Variants in VMO1 observed in about 807,000 individuals in gnomAD.
VMO1 encodes vitelline membrane outer layer protein 1 homolog.
Under a neutral mutation model 10.1 loss-of-function variants are expected in VMO1, and 13 were observed. The ratio of observed to expected loss-of-function variants is 1.29; its 90% CI spans 0.84 to 2.05. VMO1 has a LOEUF of 2.05. VMO1 is among the 30% of genes most tolerant of loss of function. The pLI, the probability that VMO1 is intolerant of heterozygous loss-of-function variation, is 0.00. For synonymous variants in VMO1, 117 were observed against 122.2 expected, an observed-to-expected ratio of 0.96 and a Z score of 0.28; for missense variants, 304 against 276.9, an observed-to-expected ratio of 1.10 and a Z score of -0.70.
At chr17:4,786,121 T>G in intron 1 of VMO1, 37 bp downstream of exon 1, 2 of 1,611,046 alleles carry the variant, frequency 1.2e-6, no homozygotes, top group Middle Eastern at 1.7e-4. Context: ...GTCCCACGCA[T>G]CTCCGCCCTC....
Position 4,785,360 on chromosome 17 carries a change from G to C in VMO1, c.*2C>G. ...GGGAGAGAGCGGCGGCGGCGGCGCC[G>C]TTCAACTGCGGCAGCAGAATAAGCG... On this transcript the variant is annotated 3_prime_UTR_variant, in exon 3 of 3. Coordinates refer to ENST00000328739, the MANE Select transcript of VMO1 (RefSeq NM_182566.3). The C allele has an allele frequency of 6.3e-7, 1 of 1,599,944 alleles. No homozygotes were observed. The highest frequency in any genetic ancestry group is 8.5e-7 in the Non-Finnish European group (1 of 1,171,420).
At position 4,786,025 on chromosome 17, in the gene VMO1, C is replaced by A; in HGVS notation, c.223G>T (p.Asp75Tyr). ...CTGATCCCATTCAGTGCAGTGTCGTCGCCAGGAATGCCTTGGGGAGGCTCC... is the reference window on the plus strand; with the variant it reads ...CTGATCCCATTCAGTGCAGTGTCGTAGCCAGGAATGCCTTGGGGAGGCTCC... ...KVEPPQGIPG[D>Y]DTALNGIRLH... Residue 75 changes from aspartate to tyrosine, a missense_variant, in exon 2 of 3, where the codon GAC (aspartate) becomes TAC (tyrosine). Coordinates refer to ENST00000328739, the MANE Select transcript of VMO1 (RefSeq NM_182566.3). The A allele has an allele frequency of 6.2e-7, 1 of 1,614,198 alleles. No individual in the cohort carries two copies.
rs371283842 is a variant in VMO1, at chr17:4,785,937, C to G, written c.311G>C (p.Ser104Thr). Residue 104 changes from serine to threonine, a missense_variant and splice_region_variant, in exon 2 of 3, where the codon AGC becomes ACC. Coordinates refer to ENST00000328739, the MANE Select transcript of VMO1 (RefSeq NM_182566.3). ...GGGATCCTCGACCCCTGCGCCCCAC[C>G]TTCCAGACTGGGACTCTACCACGTG... The part of the protein sequence containing the change: ...NTHVVESQSG[S>T]WGEWSEPLWC... The G allele has an allele frequency of 5.1e-5, 82 of 1,614,008 alleles. No individual in the cohort carries two copies. Among genetic ancestry groups the G allele is most frequent in the Non-Finnish European group, 6.9e-5 (81 of 1,180,018 alleles).
chr17:4,785,653 G>T lies in VMO1; in HGVS notation c.318C>A (p.Gly106=), dbSNP rs1188413255. Residue 106 remains glycine, a synonymous_variant, in exon 3 of 3, where the codon GGC becomes GGA. Transcript: ENST00000328739. Reference sequence around the variant, plus strand: ...GACACCACAGCGGCTCACTCCATTCGCCCCAGCTGCAAGGCAAAGGGAGAT... The same window carrying T: ...GACACCACAGCGGCTCACTCCATTCTCCCCAGCTGCAAGGCAAAGGGAGAT... ...HVVESQSGSW[G]EWSEPLWCRG... is the part of the protein sequence containing the mutation. The T allele has an allele frequency of 6.2e-7, 1 of 1,609,172 alleles. No homozygotes were observed.
chr17:4,785,864 T>G, intron 2 of VMO1, 73 bp downstream of exon 2: 2 of 1,598,202 alleles, frequency 1.3e-6, no homozygotes, highest in Non-Finnish European at 1.7e-6. Flanking sequence ...AGCCTGCCTG[T>G]TGCGACGGAG....
At position 4,785,629 on chromosome 17, in the gene VMO1, A is replaced by C; in HGVS notation, c.342T>G (p.Cys114Trp). 1 of 1,612,022 alleles carries C rather than the reference A, an allele frequency of 6.2e-7. No homozygotes were observed. The highest frequency in any genetic ancestry group is 8.5e-7 in the Non-Finnish European group (1 of 1,179,930). The stretch of plus-strand genomic sequence containing the variant: ...AAGCCACTAGGTAGGCGCCGCCGCG[A>C]CACCACAGCGGCTCACTCCATTCGC... ...SWGEWSEPLWCRGGAYLVAFS... is the reference protein window; with the variant it reads ...SWGEWSEPLWWRGGAYLVAFS... The change falls in exon 3 of 3, where the codon TGT becomes TGG. Residue 114 changes from cysteine (C) to tryptophan (W), a missense_variant. Cys to Trp is a radical substitution (Grantham distance 215, BLOSUM62 -2). Transcript: ENST00000328739.
chr17:4,785,914 G>A, intron 2 of VMO1, 23 bp downstream of exon 2: 1 of 1,614,062 alleles, frequency 6.2e-7, no homozygotes, highest in South Asian at 1.1e-5. Flanking sequence ...CACCCCAAGG[G>A]ATCCTCGACC....
Position 4,785,385 on chromosome 17 carries a change from G to T in VMO1, c.586C>A (p.Arg196Ser), listed in dbSNP as rs1218462255. ...GTTCAACTGCGGCAGCAGAATAAGC[G>T]CGCGTCGTTCAGCGCAGTGTCATCG... is the stretch of plus-strand genomic sequence containing the variant. ...LGDDTALNDA[R>S]LFCCRS The change falls in exon 3 of 3, where the codon CGC (arginine) becomes AGC (serine). Residue 196 changes from arginine to serine, a missense_variant. By Grantham distance (110) the Arg-to-Ser change is moderately radical. Transcript: ENST00000328739. 3.1e-6 allele frequency: 5 copies of T among 1,610,418 alleles called. No homozygotes were observed. Among genetic ancestry groups the T allele is most frequent in the Non-Finnish European group, 4.2e-6 (5 of 1,177,746 alleles).
Position 4,785,574 on chromosome 17 carries a change from G to T in VMO1, c.397C>A (p.Leu133Ile). The change falls in exon 3 of 3, where the codon CTC becomes ATC. Residue 133 changes from leucine (L) to isoleucine (I), a missense_variant. Transcript: ENST00000328739. The part of the protein sequence containing the change: ...FSLRVEAPTT[L>I]GDNTAANNVR... The stretch of plus-strand genomic sequence containing the variant: ...TTGTTCGCTGCTGTGTTGTCACCGA[G>T]GGTCGTGGGTGCCTCCACGCGAAGC... 2.5e-6 allele frequency: 4 copies of T among 1,613,978 alleles called. No homozygotes were observed. Among genetic ancestry groups the T allele is most frequent in the Non-Finnish European group, 3.4e-6 (4 of 1,180,030 alleles).
rs1444591393 is a variant in VMO1, at chr17:4,785,470, G to A, written c.501C>T (p.Asp167=). Residue 167 remains aspartate (D), a synonymous_variant, in exon 3 of 3, where the codon GAC becomes GAT. Transcript: ENST00000328739. The stretch of plus-strand genomic sequence containing the variant: ...GGCCGCACGCGCCCTTGGGGCAATG[G>A]TCACTCCAGTCTCCAAAGTCTCCCC... The part of the protein sequence containing the change: ...LSWGDFGDWS[D]HCPKGACGLQ... The A allele has an allele frequency of 6.2e-7, 1 of 1,614,222 alleles. No individual in the cohort carries two copies. Among genetic ancestry groups the A allele is most frequent in the South Asian group, 1.1e-5 (1 of 91,088 alleles).
Position 4,786,203 on chromosome 17 carries a change from AG to A in VMO1, c.149del (p.Pro50LeufsTer30), listed in dbSNP as rs1256734935. On this transcript the variant is annotated frameshift_variant, in exon 1 of 3. Coordinates refer to ENST00000328739, the MANE Select transcript of VMO1 (RefSeq NM_182566.3). LOFTEE classifies it high-confidence loss of function. ...CGAAGAATCCATCGGGACACATCTC[AG>A]GCCAGGCCCAGTCGCCCCAGGGACC... ...SGGPWGDWAW[P>X]EMCPDGFFAS... The A allele has an allele frequency of 1.9e-6, 3 of 1,608,966 alleles. No homozygotes were observed. The African/African-American group carries it at 4.0e-5, about 21-fold the overall frequency.
chr17:4,785,417 C>G lies in VMO1; in HGVS notation c.554G>C (p.Gly185Ala). The change falls in exon 3 of 3, where the codon GGC becomes GCC. Residue 185 changes from glycine (G) to alanine (A), a missense_variant. Physicochemically the swap from Gly to Ala is moderately conservative, Grantham distance 60 (BLOSUM62 0). Coordinates refer to ENST00000328739, the MANE Select transcript of VMO1 (RefSeq NM_182566.3). ...GLQTKIQGPR[G>A]LGDDTALNDA... ...GTTCAGCGCAGTGTCATCGCCGAGG[C>G]CTCTAGGTCCCTGGATCTTGGTCTG... is the stretch of plus-strand genomic sequence containing the variant. The G allele has an allele frequency of 4.3e-6, 7 of 1,614,182 alleles. No individual in the cohort carries two copies. Among genetic ancestry groups the G allele is most frequent in the Non-Finnish European group, 5.9e-6 (7 of 1,180,040 alleles).
At chr17:4,785,799 T>C (rs1454506697) in intron 2 of VMO1, 138 bp downstream of exon 2, 1 of 1,524,462 alleles carries the variant, frequency 6.6e-7, no homozygotes, top group African/African-American at 1.4e-5. Flanking sequence ...AGGAGGGGTC[T>C]TCCATCCACC....
Position 4,785,951 on chromosome 17 carries a change from C to T in VMO1, c.297G>A (p.Glu99=). The change falls in exon 2 of 3, where the codon GAG becomes GAA. Residue 99 remains glutamate (E), a synonymous_variant. Coordinates refer to ENST00000328739, the MANE Select transcript of VMO1 (RefSeq NM_182566.3). ...GNVLGNTHVV[E]SQSGSWGEWS... ...CTGCGCCCCACCTTCCAGACTGGGA[C>T]TCTACCACGTGCGTATTGCCTAGGA... The T allele has an allele frequency of 6.2e-7, 1 of 1,614,170 alleles. No individual in the cohort carries two copies. The highest frequency in any genetic ancestry group is 8.5e-7 in the Non-Finnish European group (1 of 1,180,026).
chr17:4,786,204 G>C lies in VMO1; in HGVS notation c.149C>G (p.Pro50Arg), dbSNP rs1353036841. The change falls in exon 1 of 3, where the codon CCT becomes CGT. Residue 50 changes from proline to arginine, a missense_variant. Transcript: ENST00000328739. The stretch of plus-strand genomic sequence containing the variant: ...GAAGAATCCATCGGGACACATCTCA[G>C]GCCAGGCCCAGTCGCCCCAGGGACC... ...SGGPWGDWAW[P>R]EMCPDGFFAS... 10 of 1,610,056 alleles carry C rather than the reference G, an allele frequency of 6.2e-6. No homozygotes were observed. In the South Asian group the frequency reaches 9.9e-5, roughly 16 times the overall value.
rs767585512 is a variant in VMO1 at position 4,785,622 on chromosome 17, C to T, written c.349G>A (p.Gly117Ser). The change falls in exon 3 of 3, where the codon GGC (glycine) becomes AGC (serine). Residue 117 changes from glycine (G) to serine (S), a missense_variant. Transcript: ENST00000328739. ...AGCGAGAAAGCCACTAGGTAGGCGC[C>T]GCCGCGACACCACAGCGGCTCACTC... is the stretch of plus-strand genomic sequence containing the variant. ...EWSEPLWCRG[G>S]AYLVAFSLRV... 6.2e-7 allele frequency: 1 copy of T among 1,612,374 alleles called. No homozygotes were observed. The highest frequency in any genetic ancestry group is 8.5e-7 in the Non-Finnish European group (1 of 1,179,966).
At chr17:4,786,123 T>A (rs780626495) in intron 1 of VMO1, 35 bp downstream of exon 1, 7 of 1,610,958 alleles carry the variant, frequency 4.3e-6, no homozygotes, top group Non-Finnish European at 5.9e-6. Context: ...CCCACGCATC[T>A]CCGCCCTCTC....
chr17:4,785,962 G>T lies in VMO1; in HGVS notation c.286C>A (p.His96Asn). The change falls in exon 2 of 3, where the codon CAC becomes AAC. Residue 96 changes from histidine (H) to asparagine (N), a missense_variant. Physicochemically the swap from His to Asn is moderately conservative, Grantham distance 68. Transcript: ENST00000328739. ...CTTCCAGACTGGGACTCTACCACGT[G>T]CGTATTGCCTAGGACGTTCCCGCGC... ...CARGNVLGNT[H>N]VVESQSGSWG... is the part of the protein sequence containing the mutation. The T allele has an allele frequency of 6.2e-7, 1 of 1,614,182 alleles. No individual in the cohort carries two copies. The highest frequency in any genetic ancestry group is 8.5e-7 in the Non-Finnish European group (1 of 1,180,038).
rs1346573033 is a variant in VMO1 at position 4,785,561 on chromosome 17, G to C, written c.410C>G (p.Thr137Arg). The C allele has an allele frequency of 1.2e-6, 2 of 1,614,014 alleles. No individual in the cohort carries two copies. The highest frequency in any genetic ancestry group is 4.5e-5 in the East Asian group (2 of 44,902). Residue 137 changes from threonine to arginine, a missense_variant, in exon 3 of 3, where the codon ACA becomes AGA. Coordinates refer to ENST00000328739, the MANE Select transcript of VMO1 (RefSeq NM_182566.3). ...VEAPTTLGDN[T>R]AANNVRFRCS... ...GCGGAAGCGCACGTTGTTCGCTGCTGTGTTGTCACCGAGGGTCGTGGGTGC... is the reference window on the plus strand; with the variant it reads ...GCGGAAGCGCACGTTGTTCGCTGCTCTGTTGTCACCGAGGGTCGTGGGTGC...
Sources: gnomAD v4.1 joint callset for allele counts on GRCh38, gnomAD v4.1.1 for gene constraint, MANE v1.5 for transcripts, NCBI Gene and HGNC (gene_info 2026-07-23, HGNC 2026-07-21) for gene names.